Variants in TENM3 observed in about 807,000 individuals in gnomAD.
TENM3 encodes teneurin transmembrane protein 3, also known as teneurin-3.
A neutral mutation model predicts 255.1 loss-of-function variants in TENM3; 63 were observed. That is an observed-to-expected ratio of 0.25 (90% CI 0.20 to 0.30). The LOEUF (loss-of-function observed/expected upper bound fraction) is 0.30. Among genes scored for constraint, TENM3 ranks in the 10% least tolerant of loss-of-function variants. TENM3 has a pLI of 1.00. For missense variants in TENM3, 2,929 were observed against 3,461.1 expected (o/e 0.85, Z 3.86); for synonymous variants, 1,306 against 1,322.3 (o/e 0.99, Z 0.27).
At chr4:182,758,164 G>GTGTT (rs1185369472) in intron 22 of TENM3, among the ~76,000 whole-genome samples, 1 of 152,172 alleles carries the variant, frequency 6.6e-6, no homozygotes, top group African/African-American at 2.4e-5. Flanking sequence ...GCAAAATAAT[G>GTGTT]TGTTAAAGAA....
At chr4:181,676,368 T>G in the TENM3 span, among the ~76,000 whole-genome samples, 2 of 152,050 alleles carry the variant, frequency 1.3e-5, no homozygotes, top group Admixed American at 1.3e-4. Context: ...ATGCTAGGAA[T>G]TTTCTTTTTC....
intron 6 of TENM3, among the ~76,000 whole-genome samples, chr4:182,663,450 G>C (rs1754391369): frequency 6.6e-6 from 1 of 152,034 alleles, no homozygotes; most frequent in Admixed American, 6.6e-5. Context: ...AACACAAAAA[G>C]TGAAAATGTA....
At chr4:182,673,568 A>G (rs1323817860) in intron 7 of TENM3, among the ~76,000 whole-genome samples, 1 of 152,232 alleles carries the variant, frequency 6.6e-6, no homozygotes, top group Non-Finnish European at 1.5e-5. Flanking sequence ...TTCATGTAAT[A>G]GATGCATAAC....
intron 1 of TENM3, among the ~76,000 whole-genome samples, chr4:182,147,271 C>CA (rs1750034321): frequency 6.6e-6 from 1 of 151,956 alleles, no homozygotes; most frequent in Non-Finnish European, 1.5e-5. Context: ...GCTCGGTGTA[C>CA]AAAAAATGAT....
chr4:182,233,834 A>G (rs1038505428), intron 1 of TENM3, among the ~76,000 whole-genome samples: 4 of 152,278 alleles, frequency 2.6e-5, no homozygotes, highest in Non-Finnish European at 4.4e-5. Flanking sequence ...AACTGCAGAT[A>G]TGCAACATCT....
the TENM3 span, among the ~76,000 whole-genome samples, chr4:181,610,494 T>C: frequency 6.6e-6 from 1 of 152,222 alleles, no homozygotes; most frequent in Non-Finnish European, 1.5e-5. Flanking sequence ...TAGTTTCATG[T>C]ACCTCAGTTC....
the TENM3 span, among the ~76,000 whole-genome samples, chr4:181,915,368 G>T: frequency 6.6e-6 from 1 of 152,126 alleles, no homozygotes; most frequent in Non-Finnish European, 1.5e-5. Context: ...TACCCATGAA[G>T]CACATGCTAT....
At chr4:181,940,994 G>T in the TENM3 span, among the ~76,000 whole-genome samples, 2 of 152,176 alleles carry the variant, frequency 1.3e-5, no homozygotes, top group East Asian at 3.8e-4. Flanking sequence ...GTGAGAAAGA[G>T]AAATCAATTA....
intron 4 of TENM3, among the ~76,000 whole-genome samples, chr4:182,623,685 C>A (rs1041860810): frequency 1.3e-5 from 2 of 152,066 alleles, no homozygotes. Context: ...TTGGGTCCCT[C>A]CCTCCCTTAC....
chr4:182,311,483 T>A (rs1417521446), intron 1 of TENM3, among the ~76,000 whole-genome samples: 1 of 152,188 alleles, frequency 6.6e-6, no homozygotes, highest in East Asian at 1.9e-4. Flanking sequence ...GGAAGTATAG[T>A]CCAGAGGTTA....
the TENM3 span, among the ~76,000 whole-genome samples, chr4:181,860,297 A>AT: frequency 4.4e-4 from 67 of 150,920 alleles, 1 homozygote; most frequent in African/African-American, 1.3e-3. Flanking sequence ...CTTTGGTTTG[A>AT]TTTTTTTTTT....
the TENM3 span, among the ~76,000 whole-genome samples, chr4:181,501,740 T>C: frequency 5.3e-5 from 8 of 152,294 alleles, no homozygotes; most frequent in South Asian, 1.0e-3. Context: ...TAAAATGTTA[T>C]GAGTTCAAAG....
At position 182,744,093 on chromosome 4, in the gene TENM3, CTTTTTTTTTTTTTT is replaced by C. The variant is rs957977132; in HGVS notation, c.3629+684_3629+697del. ...TAGAAGGCTTTTCTAACTGTGCTTT[CTTTTTTTTTTTTTT>C]TTTTTTTTTACCTTTTTTTATCTGC... On this transcript the variant is annotated intron_variant, in intron 19 of 27. Transcript: ENST00000511685. The C allele has an allele frequency of 1.3e-3, 585 of 451,902 alleles. 4 individuals are homozygous for C. The African/African-American group carries it at 0.017, about 13-fold the overall frequency. 28.0% of individuals were successfully genotyped at this position (451,902 alleles called of 1,614,324 possible).
chr4:182,722,551 G>A (rs1759822594), intron 13 of TENM3, among the ~76,000 whole-genome samples: 1 of 151,830 alleles, frequency 6.6e-6, no homozygotes, highest in Non-Finnish European at 1.5e-5. Context: ...ATGTGGAGAA[G>A]TAAGAGAGAA....
At chr4:182,358,837 A>G (rs1407008411) in intron 3 of TENM3, among the ~76,000 whole-genome samples, 1 of 150,070 alleles carries the variant, frequency 6.7e-6, no homozygotes, top group Non-Finnish European at 1.5e-5. Context: ...CCCATTCAGT[A>G]TGATATTGGC....
At chr4:182,765,835 A>G (rs1297885478) in intron 22 of TENM3, among the ~76,000 whole-genome samples, 1 of 152,136 alleles carries the variant, frequency 6.6e-6, no homozygotes, top group Non-Finnish European at 1.5e-5. Context: ...GATTTTTACC[A>G]TTTCCTTCCA....
At chr4:182,570,612 G>A (rs946220937) in intron 3 of TENM3, among the ~76,000 whole-genome samples, 1 of 152,194 alleles carries the variant, frequency 6.6e-6, no homozygotes, top group Non-Finnish European at 1.5e-5. Context: ...CACTTTGGGA[G>A]GCCAAGGCAG....
chr4:182,160,606 A>G (rs1162048446), intron 1 of TENM3, among the ~76,000 whole-genome samples: 2 of 152,218 alleles, frequency 1.3e-5, no homozygotes, highest in Non-Finnish European at 2.9e-5. Context: ...CCAATACCGT[A>G]GGATCTCGCT....
At chr4:181,709,872 G>A in the TENM3 span, among the ~76,000 whole-genome samples, 1 of 152,176 alleles carries the variant, frequency 6.6e-6, no homozygotes, top group African/African-American at 2.4e-5. Context: ...GAAAATCAGG[G>A]ATGAATCAAG....
Sources: allele counts gnomAD v4.1 joint callset (sites outside exome capture counted in the v4.1 genomes callset), GRCh38; gene constraint gnomAD v4.1.1; transcripts MANE v1.5; gene names NCBI Gene and HGNC (gene_info 2026-07-23, HGNC 2026-07-21).